Variants in PPARGC1A observed in about 807,000 individuals in gnomAD.
The protein encoded by PPARGC1A is peroxisome proliferator-activated receptor gamma coactivator 1-alpha.
In PPARGC1A, 25 loss-of-function variants were observed where a neutral mutation model predicts 88.7. The ratio of observed to expected loss-of-function variants is 0.28; its 90% CI spans 0.21 to 0.39. PPARGC1A has a LOEUF of 0.39. Ranked by LOEUF, PPARGC1A falls within the 10% of genes least tolerant of loss-of-function variation. PPARGC1A has a pLI of 1.00. For synonymous variants in PPARGC1A, 363 were observed against 355.6 expected, an observed-to-expected ratio of 1.02 and a Z score of -0.24; for missense variants, 880 against 968.7, an observed-to-expected ratio of 0.91 and a Z score of 1.22.
chr4:24,296,675 A>G, the PPARGC1A span, among the ~76,000 whole-genome samples: 3 of 152,190 alleles, frequency 2.0e-5, no homozygotes, highest in South Asian at 6.2e-4. Context: ...TCCCATTCCC[A>G]TTTCAAGCAG....
chr4:23,997,578 C>G, the PPARGC1A span, among the ~76,000 whole-genome samples: 2 of 143,808 alleles, frequency 1.4e-5, no homozygotes, highest in Non-Finnish European at 3.0e-5. Flanking sequence ...TCTCAGCTCA[C>G]TGCAACCTCC....
chr4:24,178,861 C>A, the PPARGC1A span, among the ~76,000 whole-genome samples: 1 of 152,180 alleles, frequency 6.6e-6, no homozygotes, highest in Non-Finnish European at 1.5e-5. Flanking sequence ...CATTTTATAG[C>A]AAAGCAGTTG....
chr4:23,827,717 G>A (rs191961449), intron 5 of PPARGC1A, among the ~76,000 whole-genome samples: 40 of 152,212 alleles, frequency 2.6e-4, no homozygotes, highest in African/African-American at 9.1e-4. Flanking sequence ...GTTTAATCTA[G>A]GCACTTTCTT....
the PPARGC1A span, among the ~76,000 whole-genome samples, chr4:24,341,159 A>C: frequency 2.0e-5 from 3 of 151,660 alleles, no homozygotes; most frequent in Admixed American, 2.0e-4. Context: ...AAGCTTTTCA[A>C]ATATAAAGAA....
At chr4:24,300,636 G>C in the PPARGC1A span, among the ~76,000 whole-genome samples, 1 of 151,812 alleles carries the variant, frequency 6.6e-6, no homozygotes, top group Non-Finnish European at 1.5e-5. Context: ...TATTTATTAG[G>C]TAAATTGCCT....
chr4:24,396,581 ATCT>A, the PPARGC1A span, among the ~76,000 whole-genome samples: 2 of 152,118 alleles, frequency 1.3e-5, no homozygotes, highest in Non-Finnish European at 2.9e-5. Context: ...TATCATCAAA[ATCT>A]TCTCCAGCTA....
the PPARGC1A span, among the ~76,000 whole-genome samples, chr4:23,912,686 AC>A: frequency 7.2e-5 from 11 of 152,146 alleles, no homozygotes; most frequent in South Asian, 2.3e-3. Flanking sequence ...GCTGGCCCAC[AC>A]TGTGAATTCT....
upstream of PPARGC1A, among the ~76,000 whole-genome samples, chr4:23,892,498 T>C (rs535357342): frequency 6.6e-5 from 10 of 152,084 alleles, no homozygotes; most frequent in African/African-American, 2.4e-4. Context: ...AGAGGTTTTA[T>C]AATTTTGTTA....
the PPARGC1A span, among the ~76,000 whole-genome samples, chr4:24,297,306 C>A: frequency 6.6e-6 from 1 of 152,132 alleles, no homozygotes; most frequent in African/African-American, 2.4e-5. Flanking sequence ...AAGATTCAAA[C>A]AAAAATCCCC....
At chr4:23,896,198 C>T (rs1006260310) in intron 1 of PPARGC1A, among the ~76,000 whole-genome samples, 56 of 152,000 alleles carry the variant, frequency 3.7e-4, no homozygotes, top group African/African-American at 1.2e-3. Flanking sequence ...TAGTGGCTGA[C>T]GACGTTATAA....
chr4:23,959,464 C>A, the PPARGC1A span, among the ~76,000 whole-genome samples: 1 of 152,098 alleles, frequency 6.6e-6, no homozygotes, highest in East Asian at 1.9e-4. Flanking sequence ...ATTGCTAACT[C>A]TACAGAAGGT....
chr4:24,197,077 G>A, the PPARGC1A span, among the ~76,000 whole-genome samples: 1 of 152,182 alleles, frequency 6.6e-6, no homozygotes, highest in Non-Finnish European at 1.5e-5. Context: ...TTGCCAGTTA[G>A]AAATAGATTG....
the PPARGC1A span, among the ~76,000 whole-genome samples, chr4:24,023,149 A>G: frequency 6.6e-6 from 1 of 152,136 alleles, no homozygotes; most frequent in Admixed American, 6.5e-5. Context: ...TATTAGATAT[A>G]CTTTGGAGGA....
At chr4:24,466,905 A>G in the PPARGC1A span, among the ~76,000 whole-genome samples, 11 of 145,236 alleles carry the variant, frequency 7.6e-5, no homozygotes, top group Non-Finnish European at 1.1e-4. Flanking sequence ...AAAAAAGAGG[A>G]AGGAAGGAAG....
At chr4:23,878,156 T>G (rs2148809382) in intron 2 of PPARGC1A, among the ~76,000 whole-genome samples, 2 of 152,252 alleles carry the variant, frequency 1.3e-5, no homozygotes, top group South Asian at 4.1e-4. Context: ...TCCGGGAGGT[T>G]GGAAAAACCT....
intron 3 of PPARGC1A, 131 bp from the exon 4 acceptor site, chr4:23,829,716 C>T: frequency 5.5e-6 from 5 of 911,730 alleles, no homozygotes; most frequent in Non-Finnish European, 7.6e-6. Flanking sequence ...TTATTTATGT[C>T]ACACCTTAGC....
At chr4:24,162,048 A>G in the PPARGC1A span, among the ~76,000 whole-genome samples, 2 of 151,838 alleles carry the variant, frequency 1.3e-5, no homozygotes, top group South Asian at 4.2e-4. Context: ...AAAGGAATGA[A>G]ATAATGGCAT....
the PPARGC1A span, among the ~76,000 whole-genome samples, chr4:23,955,789 GA>G: frequency 6.6e-6 from 1 of 152,072 alleles, no homozygotes; most frequent in Non-Finnish European, 1.5e-5. Context: ...TTACAAGTAA[GA>G]AAAGTCAAGG....
chr4:24,203,857 T>C, the PPARGC1A span, among the ~76,000 whole-genome samples: 1 of 152,246 alleles, frequency 6.6e-6, no homozygotes. Flanking sequence ...TGGACTTGAC[T>C]CTATGCCTAT....
Sources: gnomAD v4.1 joint callset for allele counts (sites outside exome capture counted in the v4.1 genomes callset) on GRCh38, gnomAD v4.1.1 for gene constraint, MANE v1.5 for transcripts, NCBI Gene and HGNC (gene_info 2026-07-23, HGNC 2026-07-21) for gene names.